Variants in PTPRA observed in about 807,000 individuals in gnomAD.
PTPRA encodes protein tyrosine phosphatase receptor type A.
A neutral mutation model predicts 104.8 loss-of-function variants in PTPRA; 25 were observed. The observed-to-expected ratio is 0.24, with a 90% CI of 0.17 to 0.33. The LOEUF is 0.33. PTPRA is among the 10% of genes least tolerant of loss of function. The pLI is 1.00. For missense variants in PTPRA, 765 were observed against 1,015.3 expected (o/e 0.75, Z 3.35); for synonymous variants, 323 against 368.9 (o/e 0.88, Z 1.43).
At chr20:2,865,215 T>C in the PTPRA span, 4 of 1,614,056 alleles carry the variant, frequency 2.5e-6, no homozygotes, top group Non-Finnish European at 3.4e-6. The surrounding 1 kb of genome is among the most constrained non-coding windows in gnomAD (Gnocchi z 5.2). Context: ...GGGGGCCAGT[T>C]CCTAGACCTG....
chr20:2,935,688 G>T (rs1008091157), intron 2 of PTPRA, among the ~76,000 whole-genome samples: 4 of 152,064 alleles, frequency 2.6e-5, no homozygotes, highest in African/African-American at 9.7e-5. Context: ...GCTACTACAG[G>T]CACATGCCAC....
chr20:2,900,867 A>C (rs1191943355), intron 1 of PTPRA, among the ~76,000 whole-genome samples: 1 of 151,876 alleles, frequency 6.6e-6, no homozygotes, highest in East Asian at 1.9e-4. Context: ...CAAAAAAAAA[A>C]AAAAATAGCT....
At chr20:2,996,410 C>T in intron 9 of PTPRA, among the ~76,000 whole-genome samples, 1 of 152,274 alleles carries the variant, frequency 6.6e-6, no homozygotes, top group East Asian at 1.9e-4. Flanking sequence ...GCAAACAAAC[C>T]AATTTGTGTC....
At chr20:3,000,242 T>A (rs1304659798) in intron 9 of PTPRA, among the ~76,000 whole-genome samples, 1 of 152,046 alleles carries the variant, frequency 6.6e-6, no homozygotes, top group South Asian at 2.1e-4. Context: ...GAGCCAAGAT[T>A]GCGCCACTGC....
At chr20:2,894,988 C>CA (rs58817434) in intron 1 of PTPRA, among the ~76,000 whole-genome samples, 28,630 of 104,282 alleles carry the variant, frequency 0.27, 3,328 homozygotes, top group East Asian at 0.4. Context: ...CTCCTTCACC[C>CA]AAAAAAAAAA....
At chr20:2,939,829 G>A (rs573092868) in intron 2 of PTPRA, among the ~76,000 whole-genome samples, 2 of 152,232 alleles carry the variant, frequency 1.3e-5, no homozygotes, top group Admixed American at 1.3e-4. Flanking sequence ...GGGAAGGGCT[G>A]GGCGCGGTGG....
chr20:3,017,793 AT>A (rs1568699209), intron 12 of PTPRA, 22 bp from the exon 13 acceptor site: 1 of 1,602,898 alleles, frequency 6.2e-7, no homozygotes, highest in Non-Finnish European at 8.5e-7. Context: ...TATTCTCTTC[AT>A]TTTTGCTGTT....
At chr20:2,919,642 G>T (rs1323711637) in intron 1 of PTPRA, among the ~76,000 whole-genome samples, 1 of 150,980 alleles carries the variant, frequency 6.6e-6, no homozygotes, top group Non-Finnish European at 1.5e-5. Flanking sequence ...TCACTCTCAA[G>T]GATCTTACTC....
rs118165908 is a variant in PTPRA at position 2,965,141 on chromosome 20, A to G, written c.354A>G (p.Thr118=). Residue 118 remains threonine, a synonymous_variant, in exon 5 of 24, where the codon ACA becomes ACG. Transcript: ENST00000399903. ...ATAACCAGTTCACGGATGCCAGAAC[A>G]GAACCCTGGGAGGGGAATTCCAGCA... is the stretch of plus-strand genomic sequence containing the variant. The part of the protein sequence containing the change: ...LPDNQFTDAR[T]EPWEGNSSTA... 25 of 1,614,214 alleles carry G rather than the reference A, an allele frequency of 1.5e-5. 1 individual carries two copies. Among genetic ancestry groups the G allele is most frequent in the African/African-American group, 4.0e-5 (3 of 75,052 alleles).
Position 3,032,506 on chromosome 20 carries a change from G to A in PTPRA, c.1921-3079G>A, listed in dbSNP as rs151333986. Among the ~76,000 whole-genome samples, 28 of 152,256 alleles carry A rather than the reference G, an allele frequency of 1.8e-4. 1 individual carries two copies. The highest frequency in any genetic ancestry group is 3.4e-3 in the Middle Eastern group (1 of 294). On this transcript the variant is annotated intron_variant, in intron 20 of 23. Coordinates refer to ENST00000399903, the MANE Select transcript of PTPRA (RefSeq NM_001385305.1). ...CTTTCGGCCGGGCGCGGTGGCTCAC[G>A]CCTGTAATCCCAGCACTTTGGGAGG...
chr20:2,958,658 TA>T (rs71195806), intron 3 of PTPRA, among the ~76,000 whole-genome samples: 9,309 of 61,466 alleles, frequency 0.15, 364 homozygotes, highest in East Asian at 0.26. Context: ...CCATCTCTAC[TA>T]AAAAAAAAAA....
At chr20:2,963,576 A>G (rs2061836515) in intron 3 of PTPRA, among the ~76,000 whole-genome samples, 1 of 152,024 alleles carries the variant, frequency 6.6e-6, no homozygotes, top group Non-Finnish European at 1.5e-5. Flanking sequence ...CCCGGGCGAC[A>G]GTGCAAGACT....
chr20:2,940,795 A>G (rs1026099625), intron 2 of PTPRA, among the ~76,000 whole-genome samples: 1 of 152,224 alleles, frequency 6.6e-6, no homozygotes, highest in African/African-American at 2.4e-5. Flanking sequence ...TCATGGTACG[A>G]CAGCAGAGTT....
At chr20:2,962,931 G>A in intron 3 of PTPRA, among the ~76,000 whole-genome samples, 1 of 152,080 alleles carries the variant, frequency 6.6e-6, no homozygotes, top group East Asian at 1.9e-4. Flanking sequence ...ACTTCCCTTG[G>A]AGAGTCACTA....
upstream of PTPRA, among the ~76,000 whole-genome samples, chr20:2,869,252 G>T (rs1317519281): frequency 1.3e-5 from 2 of 152,092 alleles, no homozygotes; most frequent in African/African-American, 4.8e-5. Context: ...TTCAAAGTAA[G>T]TTGCAGACAT....
chr20:2,879,273 G>A (rs180867444), intron 1 of PTPRA, among the ~76,000 whole-genome samples: 1 of 152,346 alleles, frequency 6.6e-6, no homozygotes, highest in East Asian at 1.9e-4. Flanking sequence ...TAACTTGAAT[G>A]TGCTCATGAA....
At chr20:3,007,560 A>AT (rs893808280) in intron 11 of PTPRA, 140 bp downstream of exon 11, 1,526 of 832,412 alleles carry the variant, frequency 1.8e-3, no homozygotes, top group South Asian at 2.1e-3. Flanking sequence ...AAGTGACTGA[A>AT]TTTTTTTTTA....
chr20:3,032,599 C>T (rs145906718), intron 20 of PTPRA, among the ~76,000 whole-genome samples: 3 of 151,900 alleles, frequency 2.0e-5, no homozygotes, highest in Non-Finnish European at 4.4e-5. Flanking sequence ...AACCCCATCT[C>T]TACTAAAAAT....
chr20:3,020,061 G>A (rs1282917855), intron 13 of PTPRA, among the ~76,000 whole-genome samples: 21 of 152,050 alleles, frequency 1.4e-4, no homozygotes, highest in African/African-American at 4.8e-4. Flanking sequence ...GAGGGAGACC[G>A]TGGAAAGAGA....
Sources: gnomAD v4.1 joint callset for allele counts (sites outside exome capture counted in the v4.1 genomes callset) on GRCh38, gnomAD v4.1.1 for gene constraint, Gnocchi (gnomAD v3.1) non-coding constraint, MANE v1.5 for transcripts, NCBI Gene and HGNC (gene_info 2026-07-23, HGNC 2026-07-21) for gene names.